Variants in CRADD observed in about 807,000 individuals in gnomAD.
CRADD encodes the protein death domain-containing protein CRADD.
In CRADD, 9 loss-of-function variants were observed where a neutral mutation model predicts 15.5. The ratio of observed to expected loss-of-function variants is 0.58; its 90% CI spans 0.35 to 1.01. CRADD has a LOEUF of 1.01. Among genes scored for constraint, CRADD ranks in the 50% least tolerant of loss-of-function variants. The probability of loss-of-function intolerance (pLI) is 0.02; values close to 1 mark genes in which losing one functional copy is unlikely to be tolerated. For missense variants in CRADD, 227 were observed against 250.3 expected (o/e 0.91, Z 0.63); for synonymous variants, 118 against 107.6 (o/e 1.10, Z -0.60).
chr12:93,704,232 A>G (rs1955899135), intron 2 of CRADD, among the ~76,000 whole-genome samples: 1 of 152,188 alleles, frequency 6.6e-6, no homozygotes, highest in Non-Finnish European at 1.5e-5. Flanking sequence ...GAAAGTAGAA[A>G]GTCAGGTTCT....
At chr12:93,760,631 C>G (rs1460453050) in intron 2 of CRADD, among the ~76,000 whole-genome samples, 1 of 152,078 alleles carries the variant, frequency 6.6e-6, no homozygotes, top group Non-Finnish European at 1.5e-5. Flanking sequence ...ATGGTGGCTT[C>G]TCAGTAGGAA....
At chr12:93,889,053 T>C (rs1173119154) in intron 2 of CRADD, among the ~76,000 whole-genome samples, 5 of 151,932 alleles carry the variant, frequency 3.3e-5, no homozygotes, top group Non-Finnish European at 7.4e-5. Flanking sequence ...TCCAGATGGG[T>C]TGTGGAATTG....
chr12:93,864,228 A>AT (rs1251246347), intron 2 of CRADD, among the ~76,000 whole-genome samples: 1 of 152,054 alleles, frequency 6.6e-6, no homozygotes, highest in East Asian at 1.9e-4. Context: ...TCATTTTTAT[A>AT]TTTTTTGTAG....
intron 2 of CRADD, among the ~76,000 whole-genome samples, chr12:93,754,807 C>T (rs1956869384): frequency 6.6e-6 from 1 of 152,190 alleles, no homozygotes; most frequent in African/African-American, 2.4e-5. Flanking sequence ...TTCTTCTTAG[C>T]CCTCCAAACT....
chr12:93,781,265 G>A (rs919630225), intron 2 of CRADD, among the ~76,000 whole-genome samples: 1 of 152,028 alleles, frequency 6.6e-6, no homozygotes, highest in Non-Finnish European at 1.5e-5. Context: ...AAAGACACAA[G>A]ACAATAAGAC....
chr12:93,857,394 G>A (rs1033272366), intron 2 of CRADD, among the ~76,000 whole-genome samples: 3 of 152,190 alleles, frequency 2.0e-5, no homozygotes, highest in African/African-American at 7.2e-5. Flanking sequence ...TCTTCAGCAC[G>A]ACTCATCAGC....
At chr12:93,754,454 T>A (rs879536161) in intron 2 of CRADD, among the ~76,000 whole-genome samples, 2 of 152,264 alleles carry the variant, frequency 1.3e-5, no homozygotes, top group Middle Eastern at 3.2e-3. Context: ...TGTTGTATCA[T>A]CAGCCTGCAA....
chr12:93,731,626 C>T lies in CRADD; in HGVS notation c.298+52554C>T, dbSNP rs1401005376. 5.3e-5 allele frequency among the ~76,000 whole-genome samples: 8 copies of T among 152,150 alleles called. No homozygotes were observed. In the South Asian group the frequency reaches 8.3e-4, roughly 16 times the overall value. On this transcript the variant is annotated intron_variant, in intron 2 of 2. Transcript: ENST00000332896. Reference sequence around the variant, plus strand: ...TTGCCCAATCAGTAGATCAAGAAGGCGAACACCTTCTTAATTACAAATGAG... The same window carrying T: ...TTGCCCAATCAGTAGATCAAGAAGGTGAACACCTTCTTAATTACAAATGAG...
intron 2 of CRADD, among the ~76,000 whole-genome samples, chr12:93,873,239 G>A (rs1187095887): frequency 2.6e-5 from 4 of 151,764 alleles, no homozygotes; most frequent in Non-Finnish European, 1.5e-5. Context: ...AAACACTACT[G>A]TTTTTGTATG....
intron 2 of CRADD, among the ~76,000 whole-genome samples, chr12:93,782,026 A>G (rs1043580946): frequency 2.2e-4 from 33 of 152,276 alleles, no homozygotes; most frequent in African/African-American, 7.5e-4. Context: ...TCATGCTGCT[A>G]TAAAGACACA....
chr12:93,788,126 A>G (rs551522197), intron 2 of CRADD, among the ~76,000 whole-genome samples: 19 of 152,284 alleles, frequency 1.2e-4, no homozygotes, highest in African/African-American at 3.8e-4. Context: ...TTATGCTGCT[A>G]TGAAGAAATA....
In CRADD at chr12:93,701,958, AT is replaced by A. The variant is rs879768398; in HGVS notation, c.298+22897del. ...CTTTTCCACATTCTCCTCATCTGGG[AT>A]TTTTTTTTTTCTTTGAACCTCCACA... On this transcript the variant is annotated intron_variant, in intron 2 of 2. Transcript: ENST00000332896. Among the ~76,000 whole-genome samples, 58 of 143,820 alleles carry A rather than the reference AT, an allele frequency of 4.0e-4. 1 individual carries two copies. The Middle Eastern group carries it at 0.011, about 27-fold the overall frequency. The allele number at this position is 143,820 out of a possible 152,430, so 94.4% of individuals were successfully genotyped here. A position where few individuals can be genotyped will look rare whatever the true frequency, so the allele number is the denominator to read the frequency against.
intron 2 of CRADD, among the ~76,000 whole-genome samples, chr12:93,788,170 T>G (rs771923100): frequency 1.3e-5 from 2 of 152,144 alleles, no homozygotes; most frequent in Non-Finnish European, 2.9e-5. Context: ...GGAAAGAGAT[T>G]TAATTGACTC....
At position 93,841,992 on chromosome 12, in the gene CRADD, G is replaced by A. The variant is rs563450905; in HGVS notation, c.299-7978G>A. On this transcript the variant is annotated intron_variant, in intron 2 of 2. Transcript: ENST00000332896. ...CCCCATGACCAACCCAGTCACCGTC[G>A]TAAATAAAAAAAAATACCTGCTTAC... Among the ~76,000 whole-genome samples, 59 of 152,084 alleles carry A rather than the reference G, an allele frequency of 3.9e-4. 1 individual carries two copies. The highest frequency in any genetic ancestry group is 1.1e-3 in the African/African-American group (47 of 41,496).
intron 2 of CRADD, among the ~76,000 whole-genome samples, chr12:93,828,372 A>C (rs1444593148): frequency 6.6e-6 from 1 of 152,246 alleles, no homozygotes; most frequent in Non-Finnish European, 1.5e-5. Context: ...GTGCCATTTT[A>C]AAGAAGTCTT....
chr12:93,803,299 T>C (rs1957494950), intron 2 of CRADD, among the ~76,000 whole-genome samples: 1 of 152,188 alleles, frequency 6.6e-6, no homozygotes, highest in Non-Finnish European at 1.5e-5. Context: ...CTCTTTCATC[T>C]TCCTTTTCCC....
intron 2 of CRADD, among the ~76,000 whole-genome samples, chr12:93,836,667 A>G (rs976759069): frequency 1.3e-5 from 2 of 152,254 alleles, no homozygotes; most frequent in African/African-American, 2.4e-5. Flanking sequence ...AGCACTTGGT[A>G]ATACTGTAGC....
At chr12:93,811,280 C>T (rs1042138791) in intron 2 of CRADD, among the ~76,000 whole-genome samples, 3 of 152,234 alleles carry the variant, frequency 2.0e-5, no homozygotes, top group East Asian at 1.9e-4. Flanking sequence ...CAGTGCCTTA[C>T]AGCCCCTCCC....
At chr12:93,849,295 A>G (rs1383884316) in intron 2 of CRADD, 1 of 152,344 alleles carries the variant, frequency 6.6e-6, no homozygotes, top group Non-Finnish European at 1.5e-5. Flanking sequence ...GGCCTTGAGT[A>G]AAAGGGATAG....
Sources: allele counts gnomAD v4.1 joint callset (sites outside exome capture counted in the v4.1 genomes callset), GRCh38; gene constraint gnomAD v4.1.1; transcripts MANE v1.5; gene names NCBI Gene and HGNC (gene_info 2026-07-23, HGNC 2026-07-21).